The following CPE variants were observed in gnomAD, a reference collection of about 807,000 sequenced individuals.
CPE encodes carbocypeptidase E.
A neutral mutation model predicts 53.5 loss-of-function variants in CPE; 17 were observed. The observed-to-expected ratio is 0.32, with a 90% confidence interval of 0.22 to 0.48. The LOEUF (loss-of-function observed/expected upper bound fraction) is 0.48, where lower values mean the gene tolerates loss of function less well. CPE is among the 20% of genes least tolerant of loss of function. The pLI, the probability that CPE is intolerant of heterozygous loss-of-function variation, is 0.99. For missense variants in CPE, 524 were observed against 614.7 expected (o/e 0.85, Z 1.56); for synonymous variants, 226 against 228.8 (o/e 0.99, Z 0.11).
At chr4:165,475,165 C>G (rs981369211) in intron 3 of CPE, among the ~76,000 whole-genome samples, 15 of 152,174 alleles carry the variant, frequency 9.9e-5, no homozygotes, top group Non-Finnish European at 4.4e-5. Context: ...GAAGAATTTT[C>G]CCTCCTTTCA....
intron 1 of CPE, among the ~76,000 whole-genome samples, chr4:165,449,451 CTCTGTTG>C (rs1731771981): frequency 6.6e-6 from 1 of 152,074 alleles, no homozygotes; most frequent in African/African-American, 2.4e-5. Flanking sequence ...GTCCTTGTTG[CTCTGTTG>C]TCTGTGTCTT....
At chr4:165,491,402 A>C (rs1446109877) in intron 6 of CPE, among the ~76,000 whole-genome samples, 1 of 152,168 alleles carries the variant, frequency 6.6e-6, no homozygotes, top group Non-Finnish European at 1.5e-5. Context: ...TCTAAGTTTT[A>C]TTGAATGGGG....
intron 6 of CPE, 30 bp from the exon 7 acceptor site, chr4:165,493,141 T>C (rs1012109303): frequency 7.1e-7 from 1 of 1,408,700 alleles, no homozygotes; most frequent in Non-Finnish European, 1.0e-6. Context: ...TAGGTCATAT[T>C]AATTTTTTGG....
intron 2 of CPE, among the ~76,000 whole-genome samples, chr4:165,465,347 C>A (rs72703678): frequency 0.04 from 6,103 of 151,908 alleles, 192 homozygotes; most frequent in East Asian, 0.14. Flanking sequence ...AGAAACCCAG[C>A]CAATTTCTGT....
At chr4:165,432,004 A>G (rs572655860) in intron 1 of CPE, among the ~76,000 whole-genome samples, 1 of 152,010 alleles carries the variant, frequency 6.6e-6, no homozygotes, top group African/African-American at 2.4e-5. Context: ...TAAAAAAAAA[A>G]CCCACCACCA....
intron 3 of CPE, among the ~76,000 whole-genome samples, chr4:165,472,890 C>A (rs1032186513): frequency 6.6e-5 from 10 of 152,188 alleles, no homozygotes; most frequent in Non-Finnish European, 1.5e-4. Context: ...TAACTCTTAG[C>A]AACTTTTACT....
intron 1 of CPE, among the ~76,000 whole-genome samples, chr4:165,402,329 A>G (rs751549028): frequency 2.6e-5 from 4 of 152,294 alleles, no homozygotes; most frequent in African/African-American, 2.4e-5. Context: ...GTTACACAGA[A>G]TTGTTGAGAT....
At chr4:165,382,266 G>A (rs1003206474) in intron 1 of CPE, among the ~76,000 whole-genome samples, 2 of 139,354 alleles carry the variant, frequency 1.4e-5, no homozygotes, top group Non-Finnish European at 3.2e-5. Context: ...CAAAAGACAG[G>A]AAATGTACAG....
At chr4:165,399,729 T>A (rs1730836361) in intron 1 of CPE, among the ~76,000 whole-genome samples, 1 of 152,068 alleles carries the variant, frequency 6.6e-6, no homozygotes, top group African/African-American at 2.4e-5. Flanking sequence ...CACATGCATA[T>A]GTTATGATAA....
chr4:165,447,431 C>T (rs1190886072), intron 1 of CPE, among the ~76,000 whole-genome samples: 7 of 151,866 alleles, frequency 4.6e-5, no homozygotes, highest in African/African-American at 1.2e-4. Flanking sequence ...ATTAGCCAGG[C>T]GTGGTGGCGC....
chr4:165,464,250 G>A (rs1333598522), intron 1 of CPE, 140 bp from the exon 2 acceptor site: 1 of 663,598 alleles, frequency 1.5e-6, no homozygotes, highest in East Asian at 2.9e-5. Flanking sequence ...GTATTTTAAT[G>A]TCTACGGTAG....
intron 3 of CPE, 130 bp downstream of exon 3, chr4:165,467,985 G>C (rs1239377786): frequency 9.6e-7 from 1 of 1,036,974 alleles, no homozygotes; most frequent in Non-Finnish European, 1.4e-6. Flanking sequence ...GTGGCTTTAA[G>C]TCAAGGCTGG....
intron 6 of CPE, 133 bp downstream of exon 6, chr4:165,487,710 C>T (rs1732532652): frequency 3.0e-6 from 3 of 1,006,992 alleles, no homozygotes; most frequent in Non-Finnish European, 4.3e-6. Flanking sequence ...AGGCAGGTGT[C>T]AGCAGTGTTT....
chr4:165,479,330 A>G (rs986975277), intron 3 of CPE, among the ~76,000 whole-genome samples: 2 of 152,224 alleles, frequency 1.3e-5, no homozygotes, highest in African/African-American at 4.8e-5. Flanking sequence ...TGCATTATTG[A>G]ATACATGGAA....
At chr4:165,482,167 C>T in intron 3 of CPE, 75 bp from the exon 4 acceptor site, 1 of 903,324 alleles carries the variant, frequency 1.1e-6, no homozygotes, top group Non-Finnish European at 1.6e-6. Flanking sequence ...CTTTACCTTT[C>T]CTATGTCTTT....
intron 1 of CPE, among the ~76,000 whole-genome samples, chr4:165,448,850 G>A (rs1731760263): frequency 2.0e-5 from 3 of 152,206 alleles, no homozygotes; most frequent in Admixed American, 2.0e-4. Context: ...TGATTATGGA[G>A]ACAGAGTCAG....
chr4:165,468,040 C>T (rs778250104), intron 3 of CPE, among the ~76,000 whole-genome samples, 185 bp downstream of exon 3: 20 of 152,052 alleles, frequency 1.3e-4, no homozygotes, highest in Non-Finnish European at 2.8e-4. Context: ...AGAATTGGGC[C>T]GTAGGTGGAG....
intron 1 of CPE, among the ~76,000 whole-genome samples, chr4:165,447,306 C>T (rs758873638): frequency 2.6e-5 from 4 of 152,142 alleles, no homozygotes; most frequent in African/African-American, 4.8e-5. Context: ...AGTGGTGGCT[C>T]ACACCTGTAA....
chr4:165,497,571 G>T lies in CPE; in HGVS notation c.1392G>T (p.Met464Ile). 6.3e-7 allele frequency: 1 copy of T among 1,574,818 alleles called. No homozygotes were observed. The highest frequency in any genetic ancestry group is 1.4e-5 in the African/African-American group (1 of 73,368). Residue 464 changes from methionine to isoleucine, a missense_variant, in exon 9 of 9, where the codon ATG (methionine) becomes ATT (isoleucine). Coordinates refer to ENST00000402744, the MANE Select transcript of CPE (RefSeq NM_001873.4). ...AAGAAGAGGAGAAGGAAGAATTGAT[G>T]GAATGGTGGAAAATGATGTCAGAAA... ...ERKEEEKEEL[M>I]EWWKMMSETL...
Sources: allele counts gnomAD v4.1 joint callset (sites outside exome capture counted in the v4.1 genomes callset), GRCh38; gene constraint gnomAD v4.1.1; transcripts MANE v1.5; gene names NCBI Gene and HGNC (gene_info 2026-07-23, HGNC 2026-07-21).